SETDB2: variants seen among roughly 807,000 people sequenced by gnomAD.
The protein encoded by SETDB2 is SET domain bifurcated histone lysine methyltransferase 2, also known as histone-lysine N-methyltransferase SETDB2.
SETDB2 carries 56 observed loss-of-function variants against 82.5 expected under a neutral mutation model. That is an observed-to-expected ratio of 0.68 (90% confidence interval 0.55 to 0.85). The LOEUF (loss-of-function observed/expected upper bound fraction) is 0.85, where lower values mean the gene tolerates loss of function less well. Among genes scored for constraint, SETDB2 ranks in the 40% least tolerant of loss-of-function variants. The probability of loss-of-function intolerance (pLI) is 0.00; values close to 1 mark genes in which losing one functional copy is unlikely to be tolerated. For missense variants in SETDB2, 677 were observed against 816.4 expected (o/e 0.83, Z 2.08); for synonymous variants, 272 against 284.9 (o/e 0.95, Z 0.46).
intron 2 of SETDB2, among the ~76,000 whole-genome samples, chr13:49,457,898 C>T (rs1276746011): frequency 6.6e-6 from 1 of 152,104 alleles, no homozygotes; most frequent in Non-Finnish European, 1.5e-5. Flanking sequence ...GAAAATACTT[C>T]AAAATACATC....
rs772194813 is a variant in SETDB2, at chr13:49,464,057, G to A, written c.208+2895G>A. The A allele has an allele frequency of 9.0e-6, 7 of 775,712 alleles. No homozygotes were observed. In the East Asian group the frequency reaches 1.5e-4, roughly 16 times the overall value. The allele number at this position is 775,712 out of a possible 1,614,324, so 48.1% of individuals were successfully genotyped here. A position where few individuals can be genotyped will look rare whatever the true frequency, so the allele number is the denominator to read the frequency against. On this transcript the variant is annotated intron_variant, in intron 4 of 13. Transcript: ENST00000611815. ...AAAGAAGTGAATGCCCAAAGCAGTG[G>A]TGAGATTTGAGAGCACATTATACCA...
intron 1 of SETDB2, among the ~76,000 whole-genome samples, chr13:49,449,759 A>T (rs1957754266): frequency 6.6e-6 from 1 of 152,170 alleles, no homozygotes; most frequent in African/African-American, 2.4e-5. Flanking sequence ...CTCTCATGAT[A>T]TCTTTAAGAA....
chr13:49,481,441 A>G (rs1594172403), intron 8 of SETDB2, among the ~76,000 whole-genome samples: 1 of 152,196 alleles, frequency 6.6e-6, no homozygotes, highest in East Asian at 1.9e-4. Flanking sequence ...AAAAGTAAAA[A>G]AAAAAACTAA....
chr13:49,459,631 CT>C (rs1334221807), intron 2 of SETDB2, among the ~76,000 whole-genome samples: 1 of 152,092 alleles, frequency 6.6e-6, no homozygotes, highest in Non-Finnish European at 1.5e-5. Flanking sequence ...GTAACTTTCT[CT>C]GTACAACTTT....
At chr13:49,485,756 C>T (rs1450917189) in intron 11 of SETDB2, 33 bp downstream of exon 11, 2 of 1,508,762 alleles carry the variant, frequency 1.3e-6, no homozygotes, top group African/African-American at 1.4e-5. Flanking sequence ...ATGCCTACCT[C>T]TTCTGCCTGT....
intron 6 of SETDB2, 80 bp downstream of exon 6, chr13:49,477,119 T>C: frequency 7.7e-7 from 1 of 1,293,442 alleles, no homozygotes; most frequent in Non-Finnish European, 1.0e-6. Context: ...ATGTATTAAT[T>C]TGTCTATCTA....
intron 13 of SETDB2, among the ~76,000 whole-genome samples, chr13:49,491,359 G>A (rs944267989): frequency 6.6e-6 from 1 of 152,124 alleles, no homozygotes; most frequent in Non-Finnish European, 1.5e-5. Flanking sequence ...TGCCTGAAAG[G>A]GCTGAAGATA....
At chr13:49,486,000 A>T (rs532576719) in intron 11 of SETDB2, among the ~76,000 whole-genome samples, 1 of 152,122 alleles carries the variant, frequency 6.6e-6, no homozygotes. Flanking sequence ...CTTGAAAATT[A>T]TATGAAATTA....
chr13:49,475,521 C>G (rs1430371731), intron 5 of SETDB2, among the ~76,000 whole-genome samples: 2 of 151,536 alleles, frequency 1.3e-5, no homozygotes, highest in Non-Finnish European at 2.9e-5. Context: ...GGATCTCACT[C>G]TGTCACCCAG....
chr13:49,451,794 T>TATA lies in SETDB2; in HGVS notation c.-100_-99insATA. On this transcript the variant is annotated 5_prime_UTR_variant, in exon 2 of 14. Transcript: ENST00000611815. ...TGTATTTTGTCTGAGGACTGCAAAT[T>TATA]TTATAGAGACCACAGTTGGATTCCA... The TATA allele has an allele frequency of 1.1e-6, 1 of 918,020 alleles. No homozygotes were observed. Among genetic ancestry groups the TATA allele is most frequent in the South Asian group, 1.7e-5 (1 of 59,394 alleles). 56.9% of individuals were successfully genotyped at this position (918,020 alleles called of 1,614,324 possible). A position where few individuals can be genotyped will look rare whatever the true frequency, so the allele number is the denominator to read the frequency against.
At chr13:49,488,779 T>C in intron 12 of SETDB2, 149 bp downstream of exon 12, 1 of 624,510 alleles carries the variant, frequency 1.6e-6, no homozygotes, top group African/African-American at 1.8e-5. Context: ...GATGTTTTAC[T>C]TGACCTCTGA....
At chr13:49,461,601 G>A (rs976937372) in intron 4 of SETDB2, among the ~76,000 whole-genome samples, 8 of 152,196 alleles carry the variant, frequency 5.3e-5, no homozygotes, top group African/African-American at 1.9e-4. Flanking sequence ...AAGGATCAAA[G>A]ATAATGTACT....
intron 1 of SETDB2, chr13:49,446,292 G>C (rs760182283): frequency 6.9e-6 from 3 of 434,082 alleles, no homozygotes; most frequent in Non-Finnish European, 9.1e-6. Context: ...TTTTTCTTGC[G>C]TGTCAAGGTT....
rs1295689180 is a variant in SETDB2, at chr13:49,461,122, G to C, written c.168G>C (p.Val56=). 6.2e-7 allele frequency: 1 copy of C among 1,611,624 alleles called. No homozygotes were observed. The highest frequency in any genetic ancestry group is 8.5e-7 in the Non-Finnish European group (1 of 1,178,208). Residue 56 remains valine, a synonymous_variant, in exon 4 of 14, where the codon GTG becomes GTC. Coordinates refer to ENST00000611815, the MANE Select transcript of SETDB2 (RefSeq NM_001160308.3). ...NKEYIQAMIL[V]NEATIINSST... ...AATACATCCAAGCAATGATTCTAGT[G>C]AATGAAGCAACTATAATTAACAGTT... is the stretch of plus-strand genomic sequence containing the variant.
intron 5 of SETDB2, among the ~76,000 whole-genome samples, chr13:49,475,796 T>A (rs778165030): frequency 1.3e-5 from 2 of 152,026 alleles, no homozygotes; most frequent in African/African-American, 4.8e-5. Context: ...CCGACTTTTT[T>A]TTTTATTTTA....
At chr13:49,468,909 A>G (rs1958174282) in intron 5 of SETDB2, among the ~76,000 whole-genome samples, 1 of 152,180 alleles carries the variant, frequency 6.6e-6, no homozygotes, top group South Asian at 2.1e-4. Flanking sequence ...TTGAATATAC[A>G]GTGTAAAATT....
At chr13:49,486,819 G>A (rs1264258799) in intron 11 of SETDB2, among the ~76,000 whole-genome samples, 1 of 152,128 alleles carries the variant, frequency 6.6e-6, no homozygotes, top group Non-Finnish European at 1.5e-5. Context: ...TCCTTCACAA[G>A]GAGACATTGC....
chr13:49,475,506 AG>A (rs1203592293), intron 5 of SETDB2, among the ~76,000 whole-genome samples: 1 of 151,212 alleles, frequency 6.6e-6, no homozygotes, highest in Non-Finnish European at 1.5e-5. Flanking sequence ...TTTTTTTTTA[AG>A]ACAGGATCTC....
Position 49,490,882 on chromosome 13 carries a change from T to A in SETDB2, c.1978T>A (p.Phe660Ile), listed in dbSNP as rs746130802. ...NVFVETHNRN[F>I]PLVAFFTNRY... is the part of the protein sequence containing the mutation. Reference sequence around the variant, plus strand: ...TTTTGTAGAAACACACAACAGGAATTTTCCATTGGTGGCATTCTTCACCAA... The same window carrying A: ...TTTTGTAGAAACACACAACAGGAATATTCCATTGGTGGCATTCTTCACCAA... The change falls in exon 13 of 14, where the codon TTT becomes ATT. Residue 660 changes from phenylalanine to isoleucine, a missense_variant. Coordinates refer to ENST00000611815, the MANE Select transcript of SETDB2 (RefSeq NM_001160308.3). 3.1e-6 allele frequency: 5 copies of A among 1,613,508 alleles called. No individual in the cohort carries two copies.
Sources: gnomAD v4.1 joint callset for allele counts (sites outside exome capture counted in the v4.1 genomes callset) on GRCh38, gnomAD v4.1.1 for gene constraint, MANE v1.5 for transcripts, NCBI Gene and HGNC (gene_info 2026-07-23, HGNC 2026-07-21) for gene names.